BCL11A: variants seen among roughly 807,000 people sequenced by gnomAD.
The protein encoded by BCL11A is BCL11 transcription factor A.
A neutral mutation model predicts 55.9 loss-of-function variants in BCL11A; 2 were observed. The observed-to-expected ratio is 0.04, with a 90% CI of 0.01 to 0.11. BCL11A has a LOEUF of 0.11. Ranked by LOEUF, BCL11A falls within the 10% of genes least tolerant of loss-of-function variation. The pLI, the probability that BCL11A is intolerant of heterozygous loss-of-function variation, is 1.00. For missense variants in BCL11A, 817 were observed against 1,137.1 expected (o/e 0.72, Z 4.05); for synonymous variants, 465 against 473.4 (o/e 0.98, Z 0.23).
intron 2 of BCL11A, chr2:60,534,142 C>T (rs1387648492): frequency 1.3e-5 from 2 of 152,226 alleles, no homozygotes; most frequent in African/African-American, 4.8e-5. Flanking sequence ...AAATCGGAAA[C>T]CGTTAGTTAG....
At chr2:60,490,620 A>C (rs1678575502) in intron 2 of BCL11A, among the ~76,000 whole-genome samples, 1 of 152,156 alleles carries the variant, frequency 6.6e-6, no homozygotes, top group East Asian at 1.9e-4. Context: ...CATCCCATGC[A>C]CCACTCCCTG....
intron 2 of BCL11A, among the ~76,000 whole-genome samples, chr2:60,470,040 T>C (rs972277072): frequency 4.6e-5 from 7 of 152,198 alleles, no homozygotes; most frequent in Non-Finnish European, 8.8e-5. Context: ...TCTCCTTATA[T>C]AGAGCACACT....
chr2:60,540,946 T>TTGTGTGTGTGTGTGTG (rs368895286), intron 2 of BCL11A, among the ~76,000 whole-genome samples: 31 of 140,312 alleles, frequency 2.2e-4, no homozygotes, highest in African/African-American at 6.1e-4. Context: ...AGCACTGGTT[T>TTGTGTGTGTGTGTGTG]TGTGTGTGTG....
At chr2:60,547,350 T>C (rs1322225356) in intron 1 of BCL11A, among the ~76,000 whole-genome samples, 1 of 152,174 alleles carries the variant, frequency 6.6e-6, no homozygotes, top group Non-Finnish European at 1.5e-5. Flanking sequence ...GCGGATGGTA[T>C]AACAAGGTAG....
At chr2:60,543,535 G>A (rs1010331904) in intron 2 of BCL11A, 1 of 152,194 alleles carries the variant, frequency 6.6e-6, no homozygotes, top group Admixed American at 6.5e-5. Flanking sequence ...TTCGCTTCAG[G>A]GGCACCTGAG....
rs372838381 is a variant in BCL11A, at chr2:60,546,257, G to A, written c.99C>T (p.His33=). Residue 33 remains histidine, a synonymous_variant, in exon 2 of 4, where the codon CAC becomes CAT. Coordinates refer to ENST00000642384, the MANE Select transcript of BCL11A (RefSeq NM_022893.4). This position sits in a 1 kb window ranked among gnomAD's most constrained non-coding sequence, Gnocchi z 4.1. The part of the protein sequence containing the change: ...EAILTDDEPD[H]GPLGAPEGDH... ...CCCCTTCTGGAGCTCCCAACGGGCC[G>A]TGGTCTGGTTCATCATCTGTAAGAA... The A allele has an allele frequency of 1.0e-4, 162 of 1,614,216 alleles. 1 individual carries two copies. Among genetic ancestry groups the A allele is most frequent in the Middle Eastern group, 3.3e-4 (2 of 6,060 alleles).
intron 2 of BCL11A, among the ~76,000 whole-genome samples, chr2:60,487,138 T>G (rs1678325146): frequency 6.6e-6 from 1 of 152,236 alleles, no homozygotes; most frequent in Non-Finnish European, 1.5e-5. Flanking sequence ...CCCCTAAGTG[T>G]GTGAAGTTCT....
At chr2:60,480,898 G>C (rs1677913282) in intron 2 of BCL11A, among the ~76,000 whole-genome samples, 3 of 152,136 alleles carry the variant, frequency 2.0e-5, no homozygotes, top group Admixed American at 2.0e-4. Context: ...ACAGTGTGAA[G>C]TACCTCCGCT....
intron 2 of BCL11A, chr2:60,544,731 T>G (rs557629039): frequency 1.3e-5 from 2 of 152,262 alleles, no homozygotes; most frequent in South Asian, 4.2e-4. Flanking sequence ...TTCCTAAAAC[T>G]GAACAAACCT....
rs112157825 is a variant in BCL11A at position 60,520,063 on chromosome 2, A to G, written c.385+25908T>C. Among the ~76,000 whole-genome samples the G allele has an allele frequency of 1.1e-3, 171 of 152,320 alleles. 3 individuals are homozygous for G. Among genetic ancestry groups the G allele is most frequent in the African/African-American group, 3.9e-3 (161 of 41,584 alleles). ...ATTTATGCCTGTGTATTTATGCACA[A>G]ATGTGTGTATGATATAGTATTATGG... On this transcript the variant is annotated intron_variant, in intron 2 of 3. Coordinates refer to ENST00000642384, the MANE Select transcript of BCL11A (RefSeq NM_022893.4).
At chr2:60,550,442 G>T (rs1670358233) in intron 1 of BCL11A, among the ~76,000 whole-genome samples, 1 of 152,150 alleles carries the variant, frequency 6.6e-6, no homozygotes, top group Non-Finnish European at 1.5e-5. Context: ...CCCCGGACGA[G>T]AATCGCCGGG....
At chr2:60,495,526 A>T (rs540382884) in intron 2 of BCL11A, among the ~76,000 whole-genome samples, 1 of 152,340 alleles carries the variant, frequency 6.6e-6, no homozygotes, top group African/African-American at 2.4e-5. Context: ...ATAGCACCCA[A>T]GGTCCATCAG....
chr2:60,456,047 C>T (rs1406166106), downstream of BCL11A, among the ~76,000 whole-genome samples: 1 of 152,178 alleles, frequency 6.6e-6, no homozygotes, highest in Admixed American at 6.5e-5. Flanking sequence ...CTCTCTCCTT[C>T]CCACCCAAAC....
chr2:60,460,051 TA>T lies in BCL11A; in HGVS notation c.*352del, dbSNP rs199562853. 1.9e-5 allele frequency: 21 copies of T among 1,081,122 alleles called. No homozygotes were observed. The highest frequency in any genetic ancestry group is 1.3e-4 in the South Asian group (3 of 22,874). 67.0% of individuals were successfully genotyped at this position (1,081,122 alleles called of 1,614,324 possible). On this transcript the variant is annotated 3_prime_UTR_variant, in exon 4 of 4. Coordinates refer to ENST00000642384, the MANE Select transcript of BCL11A (RefSeq NM_022893.4). Reference sequence around the variant, plus strand: ...ACATACCATACATGCTGTCTAAGTTTAAAAAAAAACATACACAACATGTAAA... The same window carrying T: ...ACATACCATACATGCTGTCTAAGTTTAAAAAAAACATACACAACATGTAAA...
At position 60,461,035 on chromosome 2, in the gene BCL11A, G is replaced by T; in HGVS notation, c.1877C>A (p.Pro626His). The change falls in exon 4 of 4, where the codon CCC becomes CAC. Residue 626 changes from proline to histidine, a missense_variant. By Grantham distance (77) the Pro-to-His change is moderately conservative (BLOSUM62 -2). Coordinates refer to ENST00000642384, the MANE Select transcript of BCL11A (RefSeq NM_022893.4). ...GLSKKLLLGS[P>H]SSLSPFSKRI... ...CTTAGAGAAGGGGCTCAGCGAGCTG[G>T]GGCTGCCCAGCAGCAGCTTTTTGGA... The T allele has an allele frequency of 6.2e-7, 1 of 1,607,380 alleles. No homozygotes were observed. Among genetic ancestry groups the T allele is most frequent in the Non-Finnish European group, 8.5e-7 (1 of 1,176,230 alleles).
chr2:60,460,190 GAAAA>G lies in BCL11A; in HGVS notation c.*210_*213del. 1 of 1,272,272 alleles carries G rather than the reference GAAAA, an allele frequency of 7.9e-7. No homozygotes were observed. Among genetic ancestry groups the G allele is most frequent in the Non-Finnish European group, 9.9e-7 (1 of 1,010,820 alleles). 78.8% of individuals were successfully genotyped at this position (1,272,272 alleles called of 1,614,324 possible). ...AAGGAAAAAAAAAAAAAAGGAAAAA[GAAAA>G]AAGAAAAAGAAAAAGAAAAAAAACA... is the stretch of plus-strand genomic sequence containing the variant. On this transcript the variant is annotated 3_prime_UTR_variant, in exon 4 of 4. Coordinates refer to ENST00000642384, the MANE Select transcript of BCL11A (RefSeq NM_022893.4).
intron 2 of BCL11A, among the ~76,000 whole-genome samples, chr2:60,490,304 T>G (rs550706895): frequency 6.6e-6 from 1 of 152,310 alleles, no homozygotes; most frequent in Admixed American, 6.5e-5. Context: ...GCTGCCTTTG[T>G]CTTCTGATCA....
At chr2:60,513,711 A>C (rs1205422123) in intron 2 of BCL11A, among the ~76,000 whole-genome samples, 3 of 152,200 alleles carry the variant, frequency 2.0e-5, no homozygotes, top group Non-Finnish European at 2.9e-5. Context: ...AGAAAAAGAA[A>C]TAGCCTCCCA....
chr2:60,552,292 C>T (rs993599043), intron 1 of BCL11A, among the ~76,000 whole-genome samples: 24 of 152,140 alleles, frequency 1.6e-4, no homozygotes, highest in African/African-American at 5.5e-4. Context: ...CCAGTCTTCT[C>T]CTTGCTGCCT....
Sources: gnomAD v4.1 joint callset for allele counts (sites outside exome capture counted in the v4.1 genomes callset) on GRCh38, gnomAD v4.1.1 for gene constraint, Gnocchi (gnomAD v3.1) non-coding constraint, MANE v1.5 for transcripts, NCBI Gene and HGNC (gene_info 2026-07-23, HGNC 2026-07-21) for gene names.